The following SPECC1 variants were observed in gnomAD, a reference collection of about 807,000 sequenced individuals.
SPECC1 encodes the protein sperm antigen with calponin homology and coiled-coil domains 1.
A neutral mutation model predicts 104.1 loss-of-function variants in SPECC1; 62 were observed. The observed-to-expected ratio is 0.60, with a 90% CI of 0.49 to 0.74. The LOEUF (loss-of-function observed/expected upper bound fraction) is 0.74, where lower values mean the gene tolerates loss of function less well. Ranked by LOEUF, SPECC1 falls within the 30% of genes least tolerant of loss-of-function variation. The pLI is 0.00. For synonymous variants in SPECC1, 513 were observed against 501.6 expected, an observed-to-expected ratio of 1.02 and a Z score of -0.30; for missense variants, 1,306 against 1,310.5, an observed-to-expected ratio of 1.00 and a Z score of 0.05.
intron 3 of SPECC1, among the ~76,000 whole-genome samples, chr17:20,120,601 C>A (rs1285521338): frequency 6.6e-6 from 1 of 151,996 alleles, no homozygotes; most frequent in East Asian, 1.9e-4. Flanking sequence ...TTGTAGGGGG[C>A]AGAATTCTTT....
At chr17:20,236,067 C>A (rs961365738) in intron 7 of SPECC1, among the ~76,000 whole-genome samples, 1 of 152,120 alleles carries the variant, frequency 6.6e-6, no homozygotes, top group Non-Finnish European at 1.5e-5. Flanking sequence ...AGGGGAGGGG[C>A]GGAAGTTGGA....
chr17:20,211,136 T>C (rs1183843274), intron 4 of SPECC1, among the ~76,000 whole-genome samples: 3 of 152,136 alleles, frequency 2.0e-5, no homozygotes, highest in Non-Finnish European at 4.4e-5. Context: ...GCAAAACTCT[T>C]TGGGGCCCTG....
intron 3 of SPECC1, among the ~76,000 whole-genome samples, chr17:20,133,106 C>CCCCAGTT (rs1567866954): frequency 1.3e-5 from 2 of 152,050 alleles, no homozygotes; most frequent in East Asian, 3.9e-4. Flanking sequence ...GTAGTGATAT[C>CCCCAGTT]CCCAGTTTCA....
intron 4 of SPECC1, among the ~76,000 whole-genome samples, chr17:20,218,457 A>G (rs371284843): frequency 4.4e-4 from 67 of 152,298 alleles, no homozygotes; most frequent in African/African-American, 1.5e-3. Flanking sequence ...ACAACCTGCA[A>G]TGATCTATTT....
At chr17:20,061,955 G>A (rs1304435633) in intron 1 of SPECC1, among the ~76,000 whole-genome samples, 1 of 151,956 alleles carries the variant, frequency 6.6e-6, no homozygotes, top group East Asian at 1.9e-4. Flanking sequence ...TTTTGTCTAT[G>A]TCTTTATTTC....
At chr17:20,298,982 G>GTGTGTGTGTGTGT (rs1567617382) in intron 13 of SPECC1, among the ~76,000 whole-genome samples, 15 of 31,954 alleles carry the variant, frequency 4.7e-4, no homozygotes, top group African/African-American at 2.0e-3. Context: ...TATGTAGAGA[G>GTGTGTGTGTGTGT]AGAGAGAGAG....
intron 12 of SPECC1, among the ~76,000 whole-genome samples, chr17:20,264,871 G>T (rs1201810204): frequency 6.6e-6 from 1 of 152,140 alleles, no homozygotes; most frequent in East Asian, 1.9e-4. Flanking sequence ...GTGAGATGTG[G>T]TATTTGGTTT....
At chr17:20,151,531 C>T (rs748097688) in intron 3 of SPECC1, among the ~76,000 whole-genome samples, 1 of 152,144 alleles carries the variant, frequency 6.6e-6, no homozygotes, top group Non-Finnish European at 1.5e-5. Context: ...TCATCACAGG[C>T]GTCTTTGACA....
intron 2 of SPECC1, among the ~76,000 whole-genome samples, chr17:20,106,026 G>A (rs2048181812): frequency 6.6e-6 from 1 of 152,234 alleles, no homozygotes; most frequent in Admixed American, 6.5e-5. Context: ...TGTACTTTGA[G>A]TCAGACTTGC....
intron 1 of SPECC1, among the ~76,000 whole-genome samples, chr17:20,015,709 C>T (rs1033943484): frequency 1.7e-4 from 25 of 150,258 alleles, no homozygotes; most frequent in East Asian, 1.2e-3. Flanking sequence ...CTCAGCCTCC[C>T]CAGTAGCGAG....
At chr17:20,175,205 C>G (rs895440217) in intron 3 of SPECC1, among the ~76,000 whole-genome samples, 1 of 152,186 alleles carries the variant, frequency 6.6e-6, no homozygotes, top group African/African-American at 2.4e-5. Context: ...GCTCCTGATG[C>G]CATCATCATC....
At chr17:20,016,735 G>A (rs182134783) in intron 1 of SPECC1, among the ~76,000 whole-genome samples, 44 of 152,336 alleles carry the variant, frequency 2.9e-4, no homozygotes, top group African/African-American at 9.6e-4. Flanking sequence ...TGTGCGGCCC[G>A]AGCCTCCCTG....
rs1555635440 is a variant in SPECC1 at position 20,236,674 on chromosome 17, T to TA, written c.2351+4270dup. 1.2e-3 allele frequency among the ~76,000 whole-genome samples: 177 copies of TA among 150,822 alleles called. 2 individuals carry two copies. In the East Asian group the frequency reaches 0.027, roughly 23 times the overall value. On this transcript the variant is annotated intron_variant, in intron 7 of 14. Transcript: ENST00000395527. ...GTCTGGCTTTTTTTTTTTTTTTTTT[T>TA]ATGTCTGAAAACCTTTGGCTTCCAA...
At chr17:20,110,777 C>G (rs529394920) in intron 3 of SPECC1, among the ~76,000 whole-genome samples, 2 of 152,158 alleles carry the variant, frequency 1.3e-5, no homozygotes, top group East Asian at 3.9e-4. Context: ...GGTAACTGGG[C>G]GTGCTGTGGT....
At position 20,315,516 on chromosome 17, in the gene SPECC1, G is replaced by A. The variant is rs1457774877; in HGVS notation, c.*1451G>A. 4.3e-6 allele frequency: 1 copy of A among 232,836 alleles called. No individual in the cohort carries two copies. Among genetic ancestry groups the A allele is most frequent in the African/African-American group, 2.2e-5 (1 of 45,316 alleles). The allele number at this position is 232,836 out of a possible 1,614,324, so 14.4% of individuals were successfully genotyped here. A position where few individuals can be genotyped will look rare whatever the true frequency, so the allele number is the denominator to read the frequency against. ...AAATGGGTAATGCCCATCCCTTGCTGTTTTAAGTGCCAAATAGCGTGTTAG... is the reference window on the plus strand; with the variant it reads ...AAATGGGTAATGCCCATCCCTTGCTATTTTAAGTGCCAAATAGCGTGTTAG... On this transcript the variant is annotated 3_prime_UTR_variant, in exon 15 of 15. Transcript: ENST00000395527.
chr17:20,119,867 T>C (rs1567857433), intron 3 of SPECC1, among the ~76,000 whole-genome samples: 2 of 152,216 alleles, frequency 1.3e-5, no homozygotes, highest in Non-Finnish European at 2.9e-5. Flanking sequence ...ATCCAAAAAT[T>C]CAAAATCCCA....
chr17:20,263,241 TTCCTGTG>T (rs1200433954), intron 12 of SPECC1, among the ~76,000 whole-genome samples: 2 of 149,748 alleles, frequency 1.3e-5, no homozygotes, highest in Non-Finnish European at 3.0e-5. Context: ...TTCTTATTCT[TTCCTGTG>T]TCCTTGGCAG....
At chr17:20,110,797 C>T (rs1289294542) in intron 3 of SPECC1, among the ~76,000 whole-genome samples, 4 of 152,062 alleles carry the variant, frequency 2.6e-5, no homozygotes, top group Non-Finnish European at 4.4e-5. Flanking sequence ...TTTCTTTGGT[C>T]CCTTCGGAGG....
At chr17:20,140,491 C>T (rs942172404) in intron 3 of SPECC1, among the ~76,000 whole-genome samples, 3 of 152,144 alleles carry the variant, frequency 2.0e-5, no homozygotes, top group Admixed American at 6.5e-5. Context: ...TTTGAGGAAG[C>T]GATATCTCTC....
Sources: gnomAD v4.1 joint callset for allele counts (sites outside exome capture counted in the v4.1 genomes callset) on GRCh38, gnomAD v4.1.1 for gene constraint, MANE v1.5 for transcripts, NCBI Gene and HGNC (gene_info 2026-07-23, HGNC 2026-07-21) for gene names.